The following KCNQ5 variants were observed in gnomAD, a reference collection of about 807,000 sequenced individuals.
The protein encoded by KCNQ5 is potassium voltage-gated channel subfamily KQT member 5.
KCNQ5 carries 30 observed loss-of-function variants against 98.2 expected under a neutral mutation model. The observed-to-expected ratio is 0.31, with a 90% confidence interval of 0.23 to 0.41. The LOEUF (loss-of-function observed/expected upper bound fraction) is 0.41, where lower values mean the gene tolerates loss of function less well. KCNQ5 is among the 10% of genes least tolerant of loss of function. The probability of loss-of-function intolerance (pLI) is 1.00; values close to 1 mark genes in which losing one functional copy is unlikely to be tolerated. For missense variants in KCNQ5, 835 were observed against 1,182.5 expected (o/e 0.71, Z 4.31); for synonymous variants, 458 against 449.4 (o/e 1.02, Z -0.24).
chr6:72,704,142 T>C (rs1313794997), intron 1 of KCNQ5, among the ~76,000 whole-genome samples: 1 of 152,208 alleles, frequency 6.6e-6, no homozygotes, highest in Non-Finnish European at 1.5e-5. Context: ...CTTTCAGATA[T>C]GATTTTATTA....
In KCNQ5 at chr6:73,196,727, C is replaced by G. The variant is rs1415877476; in HGVS notation, c.*1313C>G. ...AATCTGAAATTACTGGTTCAATTTC[C>G]TGATATAAACATTTACAATTAGAAG... is the stretch of plus-strand genomic sequence containing the variant. On this transcript the variant is annotated 3_prime_UTR_variant, in exon 14 of 14. Transcript: ENST00000370398. 6.6e-6 allele frequency: 1 copy of G among 152,038 alleles called. No individual in the cohort carries two copies. Among genetic ancestry groups the G allele is most frequent in the African/African-American group, 2.4e-5 (1 of 41,388 alleles). The allele number at this position is 152,038 out of a possible 1,614,324, so 9.4% of individuals were successfully genotyped here. A position where few individuals can be genotyped will look rare whatever the true frequency, so the allele number is the denominator to read the frequency against.
chr6:72,950,531 A>G (rs913778232), intron 1 of KCNQ5, among the ~76,000 whole-genome samples: 7 of 152,230 alleles, frequency 4.6e-5, no homozygotes, highest in African/African-American at 1.7e-4. Flanking sequence ...CATTGGTTGC[A>G]GCAGAGCCCC....
intron 1 of KCNQ5, among the ~76,000 whole-genome samples, chr6:72,751,487 A>G (rs1232035690): frequency 1.3e-5 from 2 of 152,082 alleles, no homozygotes; most frequent in African/African-American, 2.4e-5. Context: ...TAAAAAGGAG[A>G]AATGTAAAGT....
At chr6:73,033,833 A>G (rs1562138527) in intron 2 of KCNQ5, among the ~76,000 whole-genome samples, 1 of 151,760 alleles carries the variant, frequency 6.6e-6, no homozygotes. Context: ...ATGTGTCCTC[A>G]ACACCAGGTC....
intron 1 of KCNQ5, among the ~76,000 whole-genome samples, chr6:72,773,315 G>T (rs1332360651): frequency 1.3e-5 from 2 of 152,192 alleles, no homozygotes; most frequent in African/African-American, 4.8e-5. Flanking sequence ...AAAAGGATGA[G>T]TTCATGTCCT....
chr6:72,666,221 A>G (rs1766805937), intron 1 of KCNQ5, among the ~76,000 whole-genome samples: 1 of 108,114 alleles, frequency 9.2e-6, no homozygotes, highest in Non-Finnish European at 2.5e-5. Context: ...ATAATGATAA[A>G]TAAAGAGAGA....
At chr6:72,844,468 C>G (rs1776937422) in intron 1 of KCNQ5, among the ~76,000 whole-genome samples, 1 of 152,132 alleles carries the variant, frequency 6.6e-6, no homozygotes, top group Admixed American at 6.5e-5. Context: ...CTTCAGTAAC[C>G]TAAGACAGTA....
chr6:72,911,600 A>G (rs1779943559), intron 1 of KCNQ5, among the ~76,000 whole-genome samples: 1 of 152,134 alleles, frequency 6.6e-6, no homozygotes, highest in Non-Finnish European at 1.5e-5. Context: ...GGCAAATAGG[A>G]GATGACAAAT....
intron 1 of KCNQ5, among the ~76,000 whole-genome samples, chr6:72,981,364 A>C (rs554953485): frequency 3.9e-5 from 6 of 152,192 alleles, no homozygotes; most frequent in East Asian, 1.9e-4. Context: ...CAGGGATTCA[A>C]CTTCTTCCTG....
chr6:73,067,882 ATATATATATATATATATATATAT>A (rs201737349), intron 3 of KCNQ5, among the ~76,000 whole-genome samples: 103,644 of 149,620 alleles, frequency 0.69, 39,518 homozygotes, highest in Non-Finnish European at 0.86. Context: ...ATATATATAT[ATATATATATATATATATATATAT>A]AACTAAAATT....
At chr6:73,106,924 T>C (rs1321998139) in intron 6 of KCNQ5, among the ~76,000 whole-genome samples, 3 of 151,690 alleles carry the variant, frequency 2.0e-5, no homozygotes, top group Admixed American at 1.3e-4. Context: ...TGTATGAATC[T>C]AGAAATACAT....
At chr6:73,003,308 A>G (rs1350041740) in intron 1 of KCNQ5, among the ~76,000 whole-genome samples, 1 of 152,192 alleles carries the variant, frequency 6.6e-6, no homozygotes, top group Non-Finnish European at 1.5e-5. Context: ...ACTAGAAGGA[A>G]ATGGAAAGTG....
chr6:72,679,565 G>A (rs1767590888), intron 1 of KCNQ5, among the ~76,000 whole-genome samples: 2 of 126,396 alleles, frequency 1.6e-5, no homozygotes, highest in South Asian at 5.9e-4. Flanking sequence ...ACACTCTGGG[G>A]ACTGTTGTGG....
At chr6:73,159,622 C>A (rs1184600938) in intron 10 of KCNQ5, among the ~76,000 whole-genome samples, 2 of 152,166 alleles carry the variant, frequency 1.3e-5, no homozygotes, top group Non-Finnish European at 2.9e-5. Flanking sequence ...AGTTATTATT[C>A]TTTTGCAAAT....
chr6:72,754,121 CA>C (rs926401476), intron 1 of KCNQ5, among the ~76,000 whole-genome samples: 15 of 152,036 alleles, frequency 9.9e-5, no homozygotes, highest in African/African-American at 3.6e-4. Flanking sequence ...TAAAAACACT[CA>C]TTCTTTCACC....
At chr6:72,674,805 A>G (rs1489292769) in intron 1 of KCNQ5, among the ~76,000 whole-genome samples, 1 of 152,178 alleles carries the variant, frequency 6.6e-6, no homozygotes, top group Non-Finnish European at 1.5e-5. Flanking sequence ...TTTAAAAACA[A>G]AGAAAGTGGG....
At chr6:72,734,916 T>C (rs1770751246) in intron 1 of KCNQ5, among the ~76,000 whole-genome samples, 2 of 152,214 alleles carry the variant, frequency 1.3e-5, no homozygotes. Flanking sequence ...TATTTTAATC[T>C]AATTTTCAAT....
intron 1 of KCNQ5, among the ~76,000 whole-genome samples, chr6:72,898,153 GA>G (rs1458279386): frequency 1.3e-5 from 2 of 152,056 alleles, no homozygotes; most frequent in African/African-American, 4.8e-5. Flanking sequence ...TGTGTAATGA[GA>G]TTTTTTTTTT....
In KCNQ5 at chr6:73,197,041, T is replaced by C. The variant is rs1260901255; in HGVS notation, c.*1627T>C. 1.3e-5 allele frequency: 2 copies of C among 152,108 alleles called. No homozygotes were observed. Among genetic ancestry groups the C allele is most frequent in the Admixed American group, 6.5e-5 (1 of 15,276 alleles). The allele number at this position is 152,108 out of a possible 1,614,324, so 9.4% of individuals were successfully genotyped here. The stretch of plus-strand genomic sequence containing the variant: ...CAGACATAAATGCTGCCTCCAGAAG[T>C]ACTTCTCCAGCAGCCAAGCAGAATG... On this transcript the variant is annotated 3_prime_UTR_variant, in exon 14 of 14. Transcript: ENST00000370398.
Sources: gnomAD v4.1 joint callset for allele counts (sites outside exome capture counted in the v4.1 genomes callset) on GRCh38, gnomAD v4.1.1 for gene constraint, MANE v1.5 for transcripts, NCBI Gene and HGNC (gene_info 2026-07-23, HGNC 2026-07-21) for gene names.